NALF1: variants seen among roughly 807,000 people sequenced by gnomAD.
The protein encoded by NALF1 is family with sequence similarity 155 member A.
NALF1 carries 3 observed loss-of-function variants against 48.4 expected under a neutral mutation model. The observed-to-expected ratio is 0.06, with a 90% confidence interval of 0.03 to 0.16. NALF1 has a LOEUF of 0.16. Ranked by LOEUF, NALF1 falls within the 10% of genes least tolerant of loss-of-function variation. The pLI, the probability that NALF1 is intolerant of heterozygous loss-of-function variation, is 1.00. For missense variants in NALF1, 526 were observed against 571.5 expected, an observed-to-expected ratio of 0.92 and a Z score of 0.81; for synonymous variants, 262 against 245.7, an observed-to-expected ratio of 1.07 and a Z score of -0.62.
intron 1 of NALF1, among the ~76,000 whole-genome samples, chr13:107,655,509 A>G (rs1284167909): frequency 6.6e-6 from 1 of 152,140 alleles, no homozygotes; most frequent in Non-Finnish European, 1.5e-5. Flanking sequence ...GAAATCATAG[A>G]CAACACAAAC....
chr13:107,427,434 G>A (rs1044398935), intron 1 of NALF1, among the ~76,000 whole-genome samples: 1 of 146,948 alleles, frequency 6.8e-6, no homozygotes, highest in Non-Finnish European at 1.5e-5. Flanking sequence ...CATTTTGACT[G>A]TTTGGAAGAA....
At chr13:107,210,081 C>A (rs898531401) in intron 2 of NALF1, among the ~76,000 whole-genome samples, 6 of 151,856 alleles carry the variant, frequency 4.0e-5, no homozygotes, top group Non-Finnish European at 5.9e-5. Context: ...CACACACACA[C>A]ACACACGTAC....
intron 1 of NALF1, among the ~76,000 whole-genome samples, chr13:107,683,346 A>G (rs1347255053): frequency 1.3e-5 from 2 of 152,242 alleles, no homozygotes; most frequent in Non-Finnish European, 2.9e-5. Context: ...CTTTAAAAAA[A>G]TATCTGATTT....
chr13:107,254,662 T>C (rs1466861316), intron 1 of NALF1, among the ~76,000 whole-genome samples: 2 of 152,194 alleles, frequency 1.3e-5, no homozygotes, highest in East Asian at 1.9e-4. Context: ...ACCTAAGGAA[T>C]GTGGTATGAC....
At chr13:107,599,245 C>G (rs1325023684) in intron 1 of NALF1, among the ~76,000 whole-genome samples, 1 of 151,884 alleles carries the variant, frequency 6.6e-6, no homozygotes, top group African/African-American at 2.4e-5. Context: ...ACGGTGAAAC[C>G]CCGTCTCTAC....
rs999420258 is a variant in NALF1 at position 107,556,363 on chromosome 13, A to C, written c.915+309319T>G. On this transcript the variant is annotated intron_variant, in intron 1 of 2. Transcript: ENST00000375915. ...CATATATATATATAGAGAGAGAGAG[A>C]GAGAGAGTCTTAGAAAATAATATTT... 2.6e-5 allele frequency among the ~76,000 whole-genome samples: 4 copies of C among 151,824 alleles called. No homozygotes were observed. The East Asian group carries it at 7.7e-4, about 29-fold the overall frequency.
At chr13:107,313,231 A>AT (rs544303412) in intron 1 of NALF1, among the ~76,000 whole-genome samples, 84 of 150,506 alleles carry the variant, frequency 5.6e-4, no homozygotes, top group Admixed American at 1.3e-3. Context: ...AGGAACAGGA[A>AT]TTTTTTTTTT....
At chr13:107,582,140 T>C (rs752158376) in intron 1 of NALF1, among the ~76,000 whole-genome samples, 1 of 152,198 alleles carries the variant, frequency 6.6e-6, no homozygotes, top group African/African-American at 2.4e-5. Context: ...AGAAAGATAA[T>C]TTTGTTGACT....
At chr13:107,556,499 T>G (rs1037646624) in intron 1 of NALF1, among the ~76,000 whole-genome samples, 1 of 152,032 alleles carries the variant, frequency 6.6e-6, no homozygotes, top group Non-Finnish European at 1.5e-5. Flanking sequence ...TTTATTTACT[T>G]ATTTATTTTG....
chr13:107,814,536 T>C (rs912661097), intron 1 of NALF1, among the ~76,000 whole-genome samples: 4 of 152,000 alleles, frequency 2.6e-5, no homozygotes, highest in Non-Finnish European at 4.4e-5. Flanking sequence ...GCTATACTGA[T>C]ATGAGAAAAA....
chr13:107,579,116 G>C (rs1161970185), intron 1 of NALF1, among the ~76,000 whole-genome samples: 1 of 152,150 alleles, frequency 6.6e-6, no homozygotes, highest in Non-Finnish European at 1.5e-5. Flanking sequence ...TTTTGAGACA[G>C]AGTCTCACTT....
intron 1 of NALF1, among the ~76,000 whole-genome samples, chr13:107,727,307 C>G (rs1169553774): frequency 1.3e-5 from 2 of 152,068 alleles, no homozygotes; most frequent in Non-Finnish European, 2.9e-5. Context: ...GCATTATTTC[C>G]TTATATCTAT....
intron 1 of NALF1, among the ~76,000 whole-genome samples, chr13:107,381,972 G>C (rs1206500821): frequency 6.6e-6 from 1 of 152,020 alleles, no homozygotes; most frequent in African/African-American, 2.4e-5. Context: ...CTACTGCTCA[G>C]GGAGAAATAA....
At chr13:107,242,231 T>C (rs919693864) in intron 1 of NALF1, among the ~76,000 whole-genome samples, 7 of 152,178 alleles carry the variant, frequency 4.6e-5, no homozygotes, top group African/African-American at 1.4e-4. Context: ...AAGCACAGAG[T>C]TGGCCTTCCT....
Position 107,520,398 on chromosome 13 carries a change from G to A in NALF1, c.916-309643C>T, listed in dbSNP as rs1594107228. On this transcript the variant is annotated intron_variant, in intron 1 of 2. Coordinates refer to ENST00000375915, the MANE Select transcript of NALF1 (RefSeq NM_001080396.3). ...CACAGTAAATGTCTAGAAATAAAAT[G>A]TTGAAGAGCCACGATTATTACAACA... Among the ~76,000 whole-genome samples, 4 of 152,272 alleles carry A rather than the reference G, an allele frequency of 2.6e-5. 1 individual carries two copies. The East Asian group carries it at 7.7e-4, about 29-fold the overall frequency.
At chr13:107,706,558 A>T (rs1881951550) in intron 1 of NALF1, among the ~76,000 whole-genome samples, 1 of 152,152 alleles carries the variant, frequency 6.6e-6, no homozygotes, top group Non-Finnish European at 1.5e-5. Context: ...TGCAAATTTA[A>T]ATTTGGCATT....
chr13:107,741,575 A>G (rs1316681272), intron 1 of NALF1, among the ~76,000 whole-genome samples: 1 of 152,204 alleles, frequency 6.6e-6, no homozygotes, highest in African/African-American at 2.4e-5. Context: ...ATATCTTGCA[A>G]TAATACAAGG....
At chr13:107,423,786 C>T (rs1233572839) in intron 1 of NALF1, among the ~76,000 whole-genome samples, 6 of 152,032 alleles carry the variant, frequency 3.9e-5, no homozygotes, top group South Asian at 2.1e-4. Flanking sequence ...GCATTTTGAG[C>T]TTTGGAATTG....
intron 1 of NALF1, among the ~76,000 whole-genome samples, chr13:107,316,364 G>A (rs994715181): frequency 6.6e-6 from 1 of 151,766 alleles, no homozygotes; most frequent in Non-Finnish European, 1.5e-5. Flanking sequence ...ACATAAGTGT[G>A]CATGTGTCTT....
Sources: allele counts gnomAD v4.1 joint callset (sites outside exome capture counted in the v4.1 genomes callset), GRCh38; gene constraint gnomAD v4.1.1; transcripts MANE v1.5; gene names NCBI Gene and HGNC (gene_info 2026-07-23, HGNC 2026-07-21).